The following ULK4 variants were observed in gnomAD, a reference collection of about 807,000 sequenced individuals.
ULK4 encodes unc-51 like kinase 4, also known as inactive serine/threonine-protein kinase ULK4.
In ULK4, 133 loss-of-function variants were observed where a neutral mutation model predicts 160.6. That is an observed-to-expected ratio of 0.83 (90% CI 0.72 to 0.96). ULK4 has a LOEUF of 0.96. ULK4 is among the 40% of genes least tolerant of loss of function. The probability of loss-of-function intolerance (pLI) is 0.00; values close to 1 mark genes in which losing one functional copy is unlikely to be tolerated. For missense variants in ULK4, 1,580 were observed against 1,499.5 expected (o/e 1.05, Z -0.89); for synonymous variants, 534 against 539.8 (o/e 0.99, Z 0.15).
chr3:41,775,709 C>G (rs887116704), intron 21 of ULK4, among the ~76,000 whole-genome samples: 1 of 150,690 alleles, frequency 6.6e-6, no homozygotes, highest in African/African-American at 2.5e-5. Context: ...GACAACTCCT[C>G]TTTTTTTAAA....
At chr3:41,352,735 G>A (rs568052624) in intron 35 of ULK4, among the ~76,000 whole-genome samples, 2 of 152,182 alleles carry the variant, frequency 1.3e-5, no homozygotes, top group East Asian at 3.9e-4. Context: ...TCTTCCCTTG[G>A]ACTACGTTCC....
chr3:41,408,828 ACAAT>A (rs2082350317), intron 34 of ULK4, among the ~76,000 whole-genome samples: 1 of 152,202 alleles, frequency 6.6e-6, no homozygotes, highest in Non-Finnish European at 1.5e-5. Flanking sequence ...ATTGGTTTTA[ACAAT>A]GGTGCCAAGA....
At chr3:41,604,659 C>T (rs760801211) in intron 31 of ULK4, among the ~76,000 whole-genome samples, 1 of 152,022 alleles carries the variant, frequency 6.6e-6, no homozygotes, top group Non-Finnish European at 1.5e-5. Flanking sequence ...CTATTCAGGC[C>T]CTGTGTGTTC....
intron 34 of ULK4, among the ~76,000 whole-genome samples, chr3:41,440,407 A>T (rs569938087): frequency 6.6e-6 from 1 of 152,284 alleles, no homozygotes; most frequent in South Asian, 2.1e-4. Context: ...TTCTGTCTCT[A>T]TTGAAACAAT....
intron 35 of ULK4, among the ~76,000 whole-genome samples, chr3:41,372,890 G>C (rs983570736): frequency 1.3e-5 from 2 of 152,116 alleles, no homozygotes; most frequent in African/African-American, 2.4e-5. Context: ...TGTATTCGGA[G>C]ACCCATCTCA....
intron 23 of ULK4, among the ~76,000 whole-genome samples, chr3:41,716,857 T>C (rs1400476076): frequency 6.6e-6 from 1 of 152,204 alleles, no homozygotes; most frequent in African/African-American, 2.4e-5. Flanking sequence ...TGTTTTATCT[T>C]AAGATAAATT....
At chr3:41,559,645 C>T (rs1265178067) in intron 32 of ULK4, among the ~76,000 whole-genome samples, 3 of 152,068 alleles carry the variant, frequency 2.0e-5, no homozygotes, top group African/African-American at 7.2e-5. Flanking sequence ...AGCATTTTGT[C>T]ATGTGTGTTT....
rs143506729 is a variant in ULK4 at position 41,862,469 on chromosome 3, A to G, written c.1656+21405T>C. 8.7e-4 allele frequency among the ~76,000 whole-genome samples: 132 copies of G among 152,146 alleles called. No homozygotes were observed. In the East Asian group the frequency reaches 0.025, roughly 28 times the overall value. ...GTGTTGATGTTAGCAGATATTCTTCAGTGTCTGGGCACTGAAGAGTTAGGT... is the reference window on the plus strand; with the variant it reads ...GTGTTGATGTTAGCAGATATTCTTCGGTGTCTGGGCACTGAAGAGTTAGGT... On this transcript the variant is annotated intron_variant, in intron 17 of 36. Coordinates refer to ENST00000301831, the MANE Select transcript of ULK4 (RefSeq NM_017886.4).
rs2079854499 is a variant in ULK4, at chr3:41,304,182, A to T, written c.3679-54608T>A. ...CAGCTACTTGAGACACTGAGGCAGG[A>T]GAATCGCTTGAGCCCAGGAGACGGA... On this transcript the variant is annotated intron_variant, in intron 35 of 36. Transcript: ENST00000301831. Among the ~76,000 whole-genome samples, 3 of 149,386 alleles carry T rather than the reference A, an allele frequency of 2.0e-5. No individual in the cohort carries two copies. The Admixed American group carries it at 2.0e-4, about 10-fold the overall frequency.
At chr3:41,371,319 G>A (rs1360423315) in intron 35 of ULK4, among the ~76,000 whole-genome samples, 1 of 152,194 alleles carries the variant, frequency 6.6e-6, no homozygotes, top group Admixed American at 6.5e-5. Flanking sequence ...GCCTCCTCAA[G>A]TGGGTCCCTG....
intron 30 of ULK4, among the ~76,000 whole-genome samples, chr3:41,631,033 G>A (rs1035711224): frequency 1.3e-5 from 2 of 152,122 alleles, no homozygotes; most frequent in Admixed American, 1.3e-4. Flanking sequence ...TTTTGGATCA[G>A]TGAATCAGCT....
intron 21 of ULK4, among the ~76,000 whole-genome samples, chr3:41,772,679 C>T (rs112635177): frequency 0.12 from 18,497 of 151,788 alleles, 1,167 homozygotes; most frequent in Middle Eastern, 0.26. Flanking sequence ...GAAACTATTC[C>T]AATCAATAGA....
chr3:41,261,492 A>G (rs904962617), intron 35 of ULK4, among the ~76,000 whole-genome samples: 2 of 152,132 alleles, frequency 1.3e-5, no homozygotes, highest in African/African-American at 4.8e-5. Flanking sequence ...ATCTGCCACT[A>G]AGTACCTGGC....
At chr3:41,649,952 C>T (rs2034674403) in intron 30 of ULK4, among the ~76,000 whole-genome samples, 1 of 152,206 alleles carries the variant, frequency 6.6e-6, no homozygotes, top group African/African-American at 2.4e-5. Context: ...CCCATGAAAA[C>T]CCCAGACTCA....
intron 1 of ULK4, among the ~76,000 whole-genome samples, chr3:41,960,079 C>T (rs919579567): frequency 3.3e-5 from 5 of 151,454 alleles, no homozygotes; most frequent in Admixed American, 3.3e-4. Context: ...AGGTCTTGAA[C>T]CCCTGGGCTC....
At chr3:41,298,926 C>T (rs991808689) in intron 35 of ULK4, among the ~76,000 whole-genome samples, 1 of 152,196 alleles carries the variant, frequency 6.6e-6, no homozygotes, top group Admixed American at 6.5e-5. Context: ...TGAGTCAGAA[C>T]AACAAATCAG....
At chr3:41,588,661 A>C (rs1296272086) in intron 31 of ULK4, among the ~76,000 whole-genome samples, 1 of 152,206 alleles carries the variant, frequency 6.6e-6, no homozygotes, top group Non-Finnish European at 1.5e-5. Context: ...CCTAATGCAT[A>C]AAGCTTATTT....
intron 17 of ULK4, among the ~76,000 whole-genome samples, chr3:41,867,727 C>T (rs1717032): frequency 0.13 from 19,346 of 152,198 alleles, 2,931 homozygotes; most frequent in African/African-American, 0.36. Flanking sequence ...TGCACAGAGT[C>T]TTCAGAACTA....
intron 22 of ULK4, among the ~76,000 whole-genome samples, chr3:41,747,550 G>A (rs930249585): frequency 2.0e-5 from 3 of 152,062 alleles, no homozygotes; most frequent in African/African-American, 4.8e-5. Flanking sequence ...ACTGAATTCT[G>A]TTCCCCCCAA....
Sources: allele counts gnomAD v4.1 joint callset (sites outside exome capture counted in the v4.1 genomes callset), GRCh38; gene constraint gnomAD v4.1.1; transcripts MANE v1.5; gene names NCBI Gene and HGNC (gene_info 2026-07-23, HGNC 2026-07-21).